PARD3: variants seen among roughly 807,000 people sequenced by gnomAD.
PARD3 encodes the protein partitioning defective 3 homolog.
Under a neutral mutation model 155.4 loss-of-function variants are expected in PARD3, and 75 were observed. The ratio of observed to expected loss-of-function variants is 0.48; its 90% confidence interval spans 0.40 to 0.58. The LOEUF (loss-of-function observed/expected upper bound fraction) is 0.58, where lower values mean the gene tolerates loss of function less well. Ranked by LOEUF, PARD3 falls within the 20% of genes least tolerant of loss-of-function variation. The pLI is 0.00. For missense variants in PARD3, 1,642 were observed against 1,721.7 expected, an observed-to-expected ratio of 0.95 and a Z score of 0.82; for synonymous variants, 576 against 610.5, an observed-to-expected ratio of 0.94 and a Z score of 0.83.
At chr10:34,203,579 T>A (rs375199870) in intron 22 of PARD3, among the ~76,000 whole-genome samples, 26 of 152,260 alleles carry the variant, frequency 1.7e-4, no homozygotes, top group African/African-American at 6.3e-4. Flanking sequence ...CTATGATACC[T>A]AATACAATGC....
chr10:34,323,808 C>T (rs967247481), intron 19 of PARD3, among the ~76,000 whole-genome samples: 3 of 152,184 alleles, frequency 2.0e-5, no homozygotes, highest in Admixed American at 1.3e-4. Flanking sequence ...GAGGGTCACA[C>T]CCTCAATTTT....
intron 2 of PARD3, among the ~76,000 whole-genome samples, chr10:34,537,956 T>C (rs2083333322): frequency 6.6e-6 from 1 of 152,138 alleles, no homozygotes. Context: ...CCTGATTCAG[T>C]ACTGTCAGAC....
rs749497971 is a variant in PARD3 at position 34,450,380 on chromosome 10, A to G, written c.651T>C (p.Asn217=). ...SNWSNQFQRD[N]ARSSLSASHP... ...GACTGGCACTCAGAGACGAGCGAGC[A>G]TTGTCTCTCTGAAATTGGTTAGACC... Residue 217 remains asparagine, a synonymous_variant, in exon 5 of 25, where the codon AAT becomes AAC. Coordinates refer to ENST00000374788, the MANE Select transcript of PARD3 (RefSeq NM_001184785.2). 9 of 1,613,062 alleles carry G rather than the reference A, an allele frequency of 5.6e-6. No individual in the cohort carries two copies. In the East Asian group the frequency reaches 1.8e-4, roughly 32 times the overall value.
At chr10:34,344,566 G>A (rs1340434751) in intron 15 of PARD3, 1 of 983,452 alleles carries the variant, frequency 1.0e-6, no homozygotes, top group African/African-American at 1.7e-5. Flanking sequence ...ACAGGCATAA[G>A]CCACTGTGCC....
chr10:34,709,704 C>T (rs928349091), intron 1 of PARD3, among the ~76,000 whole-genome samples: 1 of 152,060 alleles, frequency 6.6e-6, no homozygotes, highest in African/African-American at 2.4e-5. Flanking sequence ...TGGGGAGAGA[C>T]TTGTTTGCTG....
At chr10:34,612,143 A>C (rs2083924603) in intron 2 of PARD3, among the ~76,000 whole-genome samples, 1 of 152,136 alleles carries the variant, frequency 6.6e-6, no homozygotes, top group African/African-American at 2.4e-5. Context: ...ATTTCTAATA[A>C]AGACACTGAA....
At chr10:34,254,676 T>C (rs1285719391) in intron 22 of PARD3, among the ~76,000 whole-genome samples, 1 of 152,036 alleles carries the variant, frequency 6.6e-6, no homozygotes, top group Non-Finnish European at 1.5e-5. Context: ...GTCAGTCTCC[T>C]TAGCATCCTA....
chr10:34,470,109 C>A lies in PARD3; in HGVS notation c.558G>T (p.Gly186=), dbSNP rs1229551931. The change falls in exon 4 of 25, where the codon GGG becomes GGT. Residue 186 remains glycine, a synonymous_variant. Transcript: ENST00000374788. ...CCTTCCTGTCGCAGGTTTTAGGACT[C>A]CCAGCAGTGTTCTGCTTGAGGAAGC... is the stretch of plus-strand genomic sequence containing the variant. ...TAGFLKQNTA[G]SPKTCDRKKD... is the part of the protein sequence containing the mutation. 1.2e-6 allele frequency: 2 copies of A among 1,610,816 alleles called. No homozygotes were observed. The highest frequency in any genetic ancestry group is 1.3e-5 in the African/African-American group (1 of 74,854).
At chr10:34,589,622 T>C (rs1188162491) in intron 2 of PARD3, among the ~76,000 whole-genome samples, 1 of 81,506 alleles carries the variant, frequency 1.2e-5, no homozygotes, top group East Asian at 3.2e-4. Context: ...GCAAAACTAA[T>C]ATAAGTACAT....
At chr10:34,799,321 C>T (rs1300477631) in intron 1 of PARD3, among the ~76,000 whole-genome samples, 4 of 152,068 alleles carry the variant, frequency 2.6e-5, no homozygotes, top group Non-Finnish European at 5.9e-5. Flanking sequence ...GGATTACAAG[C>T]GGGAGCCACC....
intron 23 of PARD3, among the ~76,000 whole-genome samples, chr10:34,121,358 C>A (rs1041823179): frequency 6.6e-6 from 1 of 152,216 alleles, no homozygotes; most frequent in Non-Finnish European, 1.5e-5. Context: ...CTTAAGTGAT[C>A]CTTTTCAGTA....
At chr10:34,409,691 C>A (rs1023398413) in intron 5 of PARD3, among the ~76,000 whole-genome samples, 1 of 152,140 alleles carries the variant, frequency 6.6e-6, no homozygotes, top group African/African-American at 2.4e-5. Flanking sequence ...CTAGTTGACA[C>A]GATTTTATTC....
At chr10:34,430,987 A>G (rs1402599656) in intron 5 of PARD3, among the ~76,000 whole-genome samples, 1 of 152,252 alleles carries the variant, frequency 6.6e-6, no homozygotes, top group African/African-American at 2.4e-5. Flanking sequence ...TAGACAGATC[A>G]TTAACTGAAA....
chr10:34,392,656 C>G lies in PARD3; in HGVS notation c.890+6674G>C, dbSNP rs1166702718. ...AGAAGGATTGTTCTGTGAGTACATA[C>G]TACTAATGAGAGTATGGTAAATGGG... is the stretch of plus-strand genomic sequence containing the variant. On this transcript the variant is annotated intron_variant, in intron 7 of 24. Coordinates refer to ENST00000374788, the MANE Select transcript of PARD3 (RefSeq NM_001184785.2). Among the ~76,000 whole-genome samples the G allele has an allele frequency of 2.6e-5, 4 of 152,180 alleles. No homozygotes were observed. The East Asian group carries it at 5.8e-4, about 22-fold the overall frequency.
At chr10:34,555,380 A>G (rs2084904847) in intron 2 of PARD3, among the ~76,000 whole-genome samples, 1 of 152,146 alleles carries the variant, frequency 6.6e-6, no homozygotes, top group Non-Finnish European at 1.5e-5. Flanking sequence ...ATCACTTTTT[A>G]CTTGAAAATG....
chr10:34,514,444 T>TATGTC (rs1181743827), intron 3 of PARD3, among the ~76,000 whole-genome samples: 3 of 152,194 alleles, frequency 2.0e-5, no homozygotes, highest in African/African-American at 7.2e-5. Context: ...ATTCATCTTC[T>TATGTC]ATGTCTGAAT....
chr10:34,315,275 A>C (rs181094624), intron 20 of PARD3, among the ~76,000 whole-genome samples: 1 of 152,036 alleles, frequency 6.6e-6, no homozygotes, highest in Non-Finnish European at 1.5e-5. Flanking sequence ...TTTCTCCCAC[A>C]CTCTGCTCCT....
At chr10:34,127,230 AC>A (rs1431018213) in intron 23 of PARD3, among the ~76,000 whole-genome samples, 1 of 152,254 alleles carries the variant, frequency 6.6e-6, no homozygotes, top group Non-Finnish European at 1.5e-5. Flanking sequence ...TTAGCCTCAA[AC>A]AAACCTGGAG....
At chr10:34,160,314 C>T (rs1220237699) in intron 22 of PARD3, among the ~76,000 whole-genome samples, 1 of 152,154 alleles carries the variant, frequency 6.6e-6, no homozygotes, top group East Asian at 1.9e-4. Flanking sequence ...CTGTATTGAG[C>T]ACACTGCACA....
Sources: allele counts gnomAD v4.1 joint callset (sites outside exome capture counted in the v4.1 genomes callset), GRCh38; gene constraint gnomAD v4.1.1; transcripts MANE v1.5; gene names NCBI Gene and HGNC (gene_info 2026-07-23, HGNC 2026-07-21).